The following ATP8B4 variants were observed in gnomAD, a reference collection of about 807,000 sequenced individuals.
ATP8B4 encodes probable phospholipid-transporting ATPase IM.
In ATP8B4, 133 loss-of-function variants were observed where a neutral mutation model predicts 145.6. The observed-to-expected ratio is 0.91, with a 90% CI of 0.79 to 1.05. The LOEUF is 1.05. Ranked by LOEUF, ATP8B4 falls within the 50% of genes least tolerant of loss-of-function variation. The pLI is 0.00. For missense variants in ATP8B4, 1,458 were observed against 1,425.2 expected (o/e 1.02, Z -0.37); for synonymous variants, 507 against 492.9 (o/e 1.03, Z -0.38).
chr15:50,067,420 A>G (rs2053457111), intron 3 of ATP8B4, among the ~76,000 whole-genome samples: 1 of 152,104 alleles, frequency 6.6e-6, no homozygotes, highest in Non-Finnish European at 1.5e-5. Context: ...AGGTCTGACT[A>G]CAGGCTTTTG....
chr15:49,927,073 T>C (rs1030131080), intron 16 of ATP8B4, among the ~76,000 whole-genome samples: 1 of 152,176 alleles, frequency 6.6e-6, no homozygotes, highest in Non-Finnish European at 1.5e-5. Context: ...ATTTTATCTC[T>C]GTATTTCTAT....
chr15:49,862,211 C>A (rs185085516), intron 27 of ATP8B4, 34 bp downstream of exon 27: 1 of 1,592,550 alleles, frequency 6.3e-7, no homozygotes, highest in South Asian at 1.1e-5. Flanking sequence ...AGCCAAAAAC[C>A]AGCCTTCAAG....
At chr15:50,034,344 C>T (rs71469673) in intron 6 of ATP8B4, among the ~76,000 whole-genome samples, 2 of 151,664 alleles carry the variant, frequency 1.3e-5, no homozygotes, top group South Asian at 4.2e-4. Context: ...ATTCTCCTGC[C>T]TCATCCTCCT....
chr15:49,993,938 C>T (rs1452292104), intron 9 of ATP8B4, among the ~76,000 whole-genome samples: 2 of 151,864 alleles, frequency 1.3e-5, no homozygotes, highest in Non-Finnish European at 2.9e-5. Flanking sequence ...TGGTGAGTTG[C>T]CCATTCTGTA....
intron 3 of ATP8B4, among the ~76,000 whole-genome samples, chr15:50,064,039 C>A (rs541728845): frequency 1.3e-5 from 2 of 152,178 alleles, no homozygotes; most frequent in Admixed American, 1.3e-4. Context: ...GATAAAAGCA[C>A]AGACAGGACA....
intron 14 of ATP8B4, among the ~76,000 whole-genome samples, chr15:49,951,434 CT>C (rs2043091563): frequency 6.6e-6 from 1 of 152,154 alleles, no homozygotes; most frequent in Admixed American, 6.5e-5. Context: ...GAATTGTTCC[CT>C]TTACCATTAT....
At chr15:49,988,978 C>G (rs1372628525) in intron 9 of ATP8B4, among the ~76,000 whole-genome samples, 1 of 152,192 alleles carries the variant, frequency 6.6e-6, no homozygotes, top group African/African-American at 2.4e-5. Context: ...CTCCACCTGT[C>G]TTTCCCCAAT....
chr15:50,134,253 G>T (rs2044091038), intron 1 of ATP8B4, among the ~76,000 whole-genome samples: 1 of 152,044 alleles, frequency 6.6e-6, no homozygotes, highest in Non-Finnish European at 1.5e-5. Flanking sequence ...TTGGAGTTTA[G>T]CAGAAGAAAT....
At chr15:50,067,069 AAACT>A (rs1181676702) in intron 3 of ATP8B4, among the ~76,000 whole-genome samples, 4 of 152,000 alleles carry the variant, frequency 2.6e-5, no homozygotes, top group African/African-American at 9.7e-5. Context: ...ACTCTCTAAC[AAACT>A]GAGTTTCCAC....
At chr15:50,080,702 G>T (rs1600241084) in intron 2 of ATP8B4, among the ~76,000 whole-genome samples, 2 of 152,060 alleles carry the variant, frequency 1.3e-5, no homozygotes, top group African/African-American at 2.4e-5. Flanking sequence ...TAAAGTGCTG[G>T]AATTACAGGC....
intron 25 of ATP8B4, among the ~76,000 whole-genome samples, chr15:49,871,258 G>A (rs2033623074): frequency 6.6e-6 from 1 of 152,144 alleles, no homozygotes; most frequent in Non-Finnish European, 1.5e-5. Flanking sequence ...CCCAGTATAT[G>A]GCACAGTATC....
intron 1 of ATP8B4, among the ~76,000 whole-genome samples, chr15:50,115,335 A>AAAAT (rs895813362): frequency 6.6e-6 from 1 of 151,856 alleles, no homozygotes. Context: ...ACCCTGTCTC[A>AAAAT]AAATAAATAA....
chr15:50,146,722 C>T (rs376875985), intron 1 of ATP8B4, among the ~76,000 whole-genome samples: 4 of 152,058 alleles, frequency 2.6e-5, no homozygotes, highest in African/African-American at 4.8e-5. Flanking sequence ...TGGTTTGAAG[C>T]GTGAGTAAAG....
intron 11 of ATP8B4, among the ~76,000 whole-genome samples, chr15:49,980,263 C>T (rs8039142): frequency 0.28 from 41,946 of 152,018 alleles, 6,389 homozygotes; most frequent in East Asian, 0.61. Context: ...TACCTTCTTT[C>T]CTTATTCAGA....
At chr15:49,905,959 T>TACAC (rs111266326) in intron 20 of ATP8B4, among the ~76,000 whole-genome samples, 11 of 150,986 alleles carry the variant, frequency 7.3e-5, no homozygotes, top group African/African-American at 2.2e-4. Flanking sequence ...TACATATATA[T>TACAC]ACACACACAC....
At chr15:49,922,805 T>C (rs1030384408) in intron 17 of ATP8B4, among the ~76,000 whole-genome samples, 2 of 152,180 alleles carry the variant, frequency 1.3e-5, no homozygotes, top group African/African-American at 4.8e-5. Context: ...TTCAGAAAGC[T>C]TTTGGAAAGA....
At chr15:49,936,900 T>G (rs766280808) in intron 14 of ATP8B4, among the ~76,000 whole-genome samples, 1 of 151,960 alleles carries the variant, frequency 6.6e-6, no homozygotes, top group South Asian at 2.1e-4. Flanking sequence ...GCCCTTCTAT[T>G]GAATGTTTTG....
intron 1 of ATP8B4, among the ~76,000 whole-genome samples, chr15:50,147,917 G>T (rs1266196275): frequency 6.6e-6 from 1 of 152,118 alleles, no homozygotes; most frequent in Non-Finnish European, 1.5e-5. Flanking sequence ...TGGGAAATTG[G>T]GGCGTAAAAG....
chr15:50,095,432 C>T (rs1436780294), intron 2 of ATP8B4, among the ~76,000 whole-genome samples: 1 of 152,252 alleles, frequency 6.6e-6, no homozygotes, highest in Admixed American at 6.5e-5. Context: ...ATCTGAAATT[C>T]TGTTAACATA....
Sources: allele counts gnomAD v4.1 joint callset (sites outside exome capture counted in the v4.1 genomes callset), GRCh38; gene constraint gnomAD v4.1.1; transcripts MANE v1.5; gene names NCBI Gene and HGNC (gene_info 2026-07-23, HGNC 2026-07-21).